SALL4: variants seen among roughly 807,000 people sequenced by gnomAD.
SALL4 encodes the protein sal-like protein 4.
In SALL4, 4 loss-of-function variants were observed where a neutral mutation model predicts 60.8. That is an observed-to-expected ratio of 0.07 (90% CI 0.03 to 0.15). The LOEUF (loss-of-function observed/expected upper bound fraction) is 0.15, where lower values mean the gene tolerates loss of function less well. Among genes scored for constraint, SALL4 ranks in the 10% least tolerant of loss-of-function variants. The probability of loss-of-function intolerance (pLI) is 1.00; values close to 1 mark genes in which losing one functional copy is unlikely to be tolerated. For synonymous variants in SALL4, 580 were observed against 574.9 expected (o/e 1.01, Z -0.13); for missense variants, 1,178 against 1,394.7 (o/e 0.84, Z 2.48).
chr20:51,802,084 GA>G, intron 1 of SALL4, among the ~76,000 whole-genome samples, 194 bp downstream of exon 1: 1 of 151,590 alleles, frequency 6.6e-6, no homozygotes. Flanking sequence ...GGGAGAAGAG[GA>G]AAAAAGTGTG....
chr20:51,801,765 G>T lies in SALL4; in HGVS notation c.130+514C>A, dbSNP rs2078111235. ...TCCCCCCACTTGGCCCGGGAGGGGCGCGTGCAACAGATCGTCCTCCTCCGG... is the reference window on the plus strand; with the variant it reads ...TCCCCCCACTTGGCCCGGGAGGGGCTCGTGCAACAGATCGTCCTCCTCCGG... On this transcript the variant is annotated intron_variant, in intron 1 of 3. Transcript: ENST00000217086. This position sits in a 1 kb window ranked among gnomAD's most constrained non-coding sequence, Gnocchi z 5.2. Among the ~76,000 whole-genome samples, 1 of 152,068 alleles carries T rather than the reference G, an allele frequency of 6.6e-6. No homozygotes were observed. The highest frequency in any genetic ancestry group is 2.4e-5 in the African/African-American group (1 of 41,432).
At position 51,792,687 on chromosome 20, in the gene SALL4, T is replaced by TA. The variant is rs2078055473; in HGVS notation, c.131-336_131-335insT. On this transcript the variant is annotated intron_variant, in intron 1 of 3. Coordinates refer to ENST00000217086, the MANE Select transcript of SALL4 (RefSeq NM_020436.5). Reference sequence around the variant, plus strand: ...CTGAGCGACAGAGCGAGACTCCATCTCAAAAAAAAAAAAAAAAAAAAAGGC... The same window carrying TA: ...CTGAGCGACAGAGCGAGACTCCATCTACAAAAAAAAAAAAAAAAAAAAAGGC... 3.0e-5 allele frequency: 3 copies of TA among 100,540 alleles called. 1 individual carries two copies. Among genetic ancestry groups the TA allele is most frequent in the East Asian group, 4.2e-3 (2 of 480 alleles). The allele number at this position is 100,540 out of a possible 1,614,324, so 6.2% of individuals were successfully genotyped here. A position where few individuals can be genotyped will look rare whatever the true frequency, so the allele number is the denominator to read the frequency against.
In SALL4 at chr20:51,784,414, T is replaced by C. The variant is rs771141307; in HGVS notation, c.3013A>G (p.Thr1005Ala). 1.2e-6 allele frequency: 2 copies of C among 1,613,936 alleles called. No individual in the cohort carries two copies. The highest frequency in any genetic ancestry group is 8.5e-7 in the Non-Finnish European group (1 of 1,180,002). The change falls in exon 4 of 4, where the codon ACC becomes GCC. Residue 1005 changes from threonine to alanine, a missense_variant. Transcript: ENST00000217086. ...ACAGTGGCGTTATTCACAACGGAGG[T>C]GGCCCCCAAGGAAACCGGGAGGGTA... ...VPTLPVSLGA[T>A]SVVNNATVSK...
intron 1 of SALL4, among the ~76,000 whole-genome samples, chr20:51,796,970 T>C (rs1369349047): frequency 6.6e-6 from 1 of 152,098 alleles, no homozygotes; most frequent in African/African-American, 2.4e-5. Flanking sequence ...TGATTGAAAA[T>C]GCATGTTCTA....
chr20:51,791,532 C>T lies in SALL4; in HGVS notation c.951G>A (p.Pro317=), dbSNP rs766412152. 12 of 1,613,800 alleles carry T rather than the reference C, an allele frequency of 7.4e-6. No homozygotes were observed. The highest frequency in any genetic ancestry group is 1.6e-4 in the Middle Eastern group (1 of 6,080). Residue 317 remains proline, a synonymous_variant, in exon 2 of 4, where the codon CCG becomes CCA. Transcript: ENST00000217086. The surrounding 1 kb of genome is among the most constrained non-coding windows in gnomAD (Gnocchi z 4.6). Reference sequence around the variant, plus strand: ...CGTTCGGGAGCACCCGGGTCCCATCCGGCTTCAGAGTGAAGGGTGCCAGCC... The same window carrying T: ...CGTTCGGGAGCACCCGGGTCCCATCTGGCTTCAGAGTGAAGGGTGCCAGCC... ...SPGLAPFTLK[P]DGTRVLPNVM... is the part of the protein sequence containing the mutation.
In SALL4 at chr20:51,790,108, T is replaced by C. The variant is rs779778006; in HGVS notation, c.2375A>G (p.Asn792Ser). ...TGACTTGATGCTTTCGGCTTGACTA[T>C]TGGCCGGGGAGAGTGCCTGGAAGGA... ...TTSFQALSPANSQAESIKSKS... is the reference protein window; with the variant it reads ...TTSFQALSPASSQAESIKSKS... The change falls in exon 2 of 4, where the codon AAT becomes AGT. Residue 792 changes from asparagine (N) to serine (S), a missense_variant. This residue lies in a region of SALL4 where 853 missense variants were observed against 1,036.8 expected (regional missense o/e 0.82). Coordinates refer to ENST00000217086, the MANE Select transcript of SALL4 (RefSeq NM_020436.5). The surrounding 1 kb of genome is among the most constrained non-coding windows in gnomAD (Gnocchi z 5.5). The C allele has an allele frequency of 6.2e-6, 10 of 1,614,084 alleles. No homozygotes were observed. Among genetic ancestry groups the C allele is most frequent in the South Asian group, 2.2e-5 (2 of 91,088 alleles).
rs1601169533 is a variant in SALL4, at chr20:51,790,932, A to C, written c.1551T>G (p.Gly517=). ...GTCCCACCCCAGGGAGTGTGGGTCCACCCTCACTTTCTGGAGAAGGCCCAG... is the reference window on the plus strand; with the variant it reads ...GTCCCACCCCAGGGAGTGTGGGTCCCCCCTCACTTTCTGGAGAAGGCCCAG... ...LQPGPSPESE[G]GPTLPGVGPN... The change falls in exon 2 of 4, where the codon GGT becomes GGG. Residue 517 remains glycine (G), a synonymous_variant. Transcript: ENST00000217086. This position sits in a 1 kb window ranked among gnomAD's most constrained non-coding sequence, Gnocchi z 5.5. 6.2e-7 allele frequency: 1 copy of C among 1,614,008 alleles called. No homozygotes were observed. Among genetic ancestry groups the C allele is most frequent in the Admixed American group, 1.7e-5 (1 of 60,004 alleles).
rs772858106 is a variant in SALL4, at chr20:51,788,219, G to A, written c.2742+642C>T. ...TTTCTAAGCTGGAGTGCAGTGGCAT[G>A]ATCACAGATCACTGCAGCCTTGATC... On this transcript the variant is annotated intron_variant, in intron 3 of 3. Transcript: ENST00000217086. This position sits in a 1 kb window ranked among gnomAD's most constrained non-coding sequence, Gnocchi z 4.1. Among the ~76,000 whole-genome samples, 7 of 151,892 alleles carry A rather than the reference G, an allele frequency of 4.6e-5. No homozygotes were observed. The highest frequency in any genetic ancestry group is 1.0e-4 in the Non-Finnish European group (7 of 68,014).
In SALL4 at chr20:51,791,591, T is replaced by G. The variant is rs2078042898; in HGVS notation, c.892A>C (p.Asn298His). 1 of 1,613,620 alleles carries G rather than the reference T, an allele frequency of 6.2e-7. No homozygotes were observed. The highest frequency in any genetic ancestry group is 8.5e-7 in the Non-Finnish European group (1 of 1,180,040). Residue 298 changes from asparagine (N) to histidine (H), a missense_variant, in exon 2 of 4, where the codon AAC (asparagine) becomes CAC (histidine). By Grantham distance (68) the Asn-to-His change is moderately conservative. Transcript: ENST00000217086. The surrounding 1 kb of genome is among the most constrained non-coding windows in gnomAD (Gnocchi z 4.6). ...AGGGAGCTGGTGGCAGAAGGGATGTTGGCGTGAGGTAGCTTGGCTTGTTTC... is the reference window on the plus strand; with the variant it reads ...AGGGAGCTGGTGGCAGAAGGGATGTGGGCGTGAGGTAGCTTGGCTTGTTTC... ...ALKQAKLPHA[N>H]IPSATSSLSP...
chr20:51,787,500 G>A (rs965451053), intron 3 of SALL4, among the ~76,000 whole-genome samples: 2 of 152,118 alleles, frequency 1.3e-5, no homozygotes, highest in East Asian at 1.9e-4. Flanking sequence ...GTATCTGGCT[G>A]GGAAAGCTAC....
rs2078021878 is a variant in SALL4, at chr20:51,789,907, C to T, written c.2461+115G>A. 2.4e-6 allele frequency: 3 copies of T among 1,259,832 alleles called. No homozygotes were observed. The South Asian group carries it at 3.7e-5, about 15-fold the overall frequency. The allele number at this position is 1,259,832 out of a possible 1,614,324, so 78.0% of individuals were successfully genotyped here. On this transcript the variant is annotated intron_variant, in intron 2 of 3. Transcript: ENST00000217086. ...CCCAGAAGTAAAGAAAAGCTAATTG[C>T]CCTATAGAAGGGGCTGCTTCAAGTC...
intron 3 of SALL4, among the ~76,000 whole-genome samples, chr20:51,787,287 G>C (rs759891574): frequency 6.6e-5 from 10 of 151,924 alleles, no homozygotes; most frequent in Admixed American, 6.6e-5. Context: ...AGCCGGGCAT[G>C]ATGGCGGGCG....
rs377448200 is a variant in SALL4 at position 51,792,202 on chromosome 20, C to G, written c.281G>C (p.Cys94Ser). Residue 94 changes from cysteine to serine, a missense_variant, in exon 2 of 4, where the codon TGC becomes TCC. By Grantham distance (112) the Cys-to-Ser change is moderately radical (BLOSUM62 -1). Coordinates refer to ENST00000217086, the MANE Select transcript of SALL4 (RefSeq NM_020436.5). The part of the protein sequence containing the change: ...ISEFLEHKKN[C>S]TKNPPVLIMN... ...GATGAGGACAGGTGGATTTTTAGTGCAATTTTTCTTATGTTCCAGGAACTC... is the reference window on the plus strand; with the variant it reads ...GATGAGGACAGGTGGATTTTTAGTGGAATTTTTCTTATGTTCCAGGAACTC... 1.2e-6 allele frequency: 2 copies of G among 1,614,140 alleles called. No individual in the cohort carries two copies. Among genetic ancestry groups the G allele is most frequent in the Non-Finnish European group, 1.7e-6 (2 of 1,180,026 alleles).
chr20:51,788,783 G>C lies in SALL4; in HGVS notation c.2742+78C>G. 5 of 1,561,280 alleles carry C rather than the reference G, an allele frequency of 3.2e-6. No individual in the cohort carries two copies. The highest frequency in any genetic ancestry group is 4.4e-6 in the Non-Finnish European group (5 of 1,141,042). On this transcript the variant is annotated intron_variant, in intron 3 of 3. Coordinates refer to ENST00000217086, the MANE Select transcript of SALL4 (RefSeq NM_020436.5). The surrounding 1 kb of genome is among the most constrained non-coding windows in gnomAD (Gnocchi z 4.1). ...CCAAAGGAGGAATGGAAGGATGGAAGAACTCATCACGGCTTGTGCCAATAA... is the reference window on the plus strand; with the variant it reads ...CCAAAGGAGGAATGGAAGGATGGAACAACTCATCACGGCTTGTGCCAATAA...
chr20:51,796,001 C>T (rs539944809), intron 1 of SALL4, among the ~76,000 whole-genome samples: 1 of 152,056 alleles, frequency 6.6e-6, no homozygotes, highest in South Asian at 2.1e-4. Flanking sequence ...TTGAGACCAG[C>T]CTGGCCAACA....
chr20:51,802,355 C>T lies in SALL4; in HGVS notation c.54G>A (p.Gln18=), dbSNP rs757129221. The change falls in exon 1 of 4, where the codon CAG becomes CAA. Residue 18 remains glutamine (Q), a synonymous_variant. Transcript: ENST00000217086. ...KPQHINSEED[Q]GEQQPQQQTP... is the part of the protein sequence containing the mutation. ...TCTGCTGCTGCGGCTGCTGCTCGCC[C>T]TGGTCCTCCTCCGAGTTGATGTGCT... 1.9e-6 allele frequency: 3 copies of T among 1,611,070 alleles called. No individual in the cohort carries two copies. The highest frequency in any genetic ancestry group is 4.5e-5 in the East Asian group (2 of 44,842).
At position 51,783,912 on chromosome 20, in the gene SALL4, C is replaced by T. The variant is rs758232339; in HGVS notation, c.*353G>A. Reference sequence around the variant, plus strand: ...GCACCTGCCTGTAATCCCAGCTACTCTGGAGGCTAAGGCAGGAGAATCACT... The same window carrying T: ...GCACCTGCCTGTAATCCCAGCTACTTTGGAGGCTAAGGCAGGAGAATCACT... On this transcript the variant is annotated 3_prime_UTR_variant, in exon 4 of 4. Coordinates refer to ENST00000217086, the MANE Select transcript of SALL4 (RefSeq NM_020436.5). 2 of 310,966 alleles carry T rather than the reference C, an allele frequency of 6.4e-6. No individual in the cohort carries two copies. The allele number at this position is 310,966 out of a possible 1,614,324, so 19.3% of individuals were successfully genotyped here.
intron 1 of SALL4, among the ~76,000 whole-genome samples, chr20:51,794,815 A>T (rs1340013350): frequency 6.6e-6 from 1 of 152,222 alleles, no homozygotes; most frequent in Non-Finnish European, 1.5e-5. Flanking sequence ...CTGCAGAGCC[A>T]GTATTAAACC....
chr20:51,783,760 T>C lies in SALL4; in HGVS notation c.*505A>G, dbSNP rs377290688. 6.4e-4 allele frequency: 101 copies of C among 158,750 alleles called. No individual in the cohort carries two copies. The highest frequency in any genetic ancestry group is 6.9e-3 in the Middle Eastern group (2 of 290). The allele number at this position is 158,750 out of a possible 1,614,324, so 9.8% of individuals were successfully genotyped here. A position where few individuals can be genotyped will look rare whatever the true frequency, so the allele number is the denominator to read the frequency against. On this transcript the variant is annotated 3_prime_UTR_variant, in exon 4 of 4. Transcript: ENST00000217086. ...AAAAAGTGCCAGGCGTGGTAGCTCA[T>C]GCCTGTAATCCCAGCACTTTGGGAG... is the stretch of plus-strand genomic sequence containing the variant.
Sources: allele counts gnomAD v4.1 joint callset (sites outside exome capture counted in the v4.1 genomes callset), GRCh38; gene constraint gnomAD v4.1.1; regional missense constraint gnomAD v4.1.1; non-coding constraint Gnocchi (gnomAD v3.1); transcripts MANE v1.5; gene names NCBI Gene and HGNC (gene_info 2026-07-23, HGNC 2026-07-21).